The following LRP1B variants were observed in gnomAD, a reference collection of about 807,000 sequenced individuals.
LRP1B encodes the protein low-density lipoprotein receptor-related protein 1B.
Under a neutral mutation model 556.6 loss-of-function variants are expected in LRP1B, and 217 were observed. The ratio of observed to expected loss-of-function variants is 0.39; its 90% CI spans 0.35 to 0.44. The LOEUF is 0.44. Among genes scored for constraint, LRP1B ranks in the 20% least tolerant of loss-of-function variants. LRP1B has a pLI of 1.00. For missense variants in LRP1B, 5,053 were observed against 5,620.8 expected (o/e 0.90, Z 3.23); for synonymous variants, 2,047 against 1,865.8 (o/e 1.10, Z -2.50).
chr2:141,228,284 C>T (rs756444152), intron 6 of LRP1B, among the ~76,000 whole-genome samples: 8 of 152,124 alleles, frequency 5.3e-5, no homozygotes, highest in Non-Finnish European at 1.2e-4. Context: ...TAAATGGATG[C>T]ATGTTAAAAT....
chr2:141,726,099 A>G (rs1050273752), intron 2 of LRP1B, among the ~76,000 whole-genome samples: 5 of 151,610 alleles, frequency 3.3e-5, no homozygotes, highest in Non-Finnish European at 7.4e-5. Context: ...TTATTTAAGT[A>G]TGACTTCTGT....
intron 35 of LRP1B, among the ~76,000 whole-genome samples, chr2:140,735,696 T>TGTGCTGGTGATACAGGTGAGA (rs1476102331): frequency 4.6e-5 from 7 of 152,154 alleles, no homozygotes; most frequent in Non-Finnish European, 1.0e-4. Context: ...CTGGTAGATA[T>TGTGCTGGTGATACAGGTGAGA]TACAGAAATA....
chr2:140,568,536 G>T (rs1681209608), intron 43 of LRP1B, among the ~76,000 whole-genome samples: 2 of 152,014 alleles, frequency 1.3e-5, no homozygotes, highest in Admixed American at 1.3e-4. Flanking sequence ...TGAAGGAAAA[G>T]AGATGAGAAA....
chr2:141,699,918 T>A (rs2105460263), intron 2 of LRP1B, among the ~76,000 whole-genome samples: 1 of 149,902 alleles, frequency 6.7e-6, no homozygotes, highest in East Asian at 2.0e-4. Context: ...CAGGGCACAT[T>A]CCTTTGTCAT....
At chr2:140,999,002 GCACTACTCTA>G (rs1310820365) in intron 15 of LRP1B, among the ~76,000 whole-genome samples, 2 of 151,990 alleles carry the variant, frequency 1.3e-5, no homozygotes, top group Admixed American at 1.3e-4. Context: ...TATTTCCTAT[GCACTACTCTA>G]CTCAGCAACC....
intron 5 of LRP1B, among the ~76,000 whole-genome samples, chr2:141,236,128 T>C (rs1407753357): frequency 6.6e-6 from 1 of 152,138 alleles, no homozygotes; most frequent in African/African-American, 2.4e-5. Flanking sequence ...CCACTCAACT[T>C]TCCAGATTTT....
rs2105117463 is a variant in LRP1B, at chr2:140,850,150, T to G, written c.4891A>C (p.Lys1631Gln). The change falls in exon 29 of 91, where the codon AAA (lysine) becomes CAA (glutamine). Residue 1631 changes from lysine (K) to glutamine (Q), a missense_variant. This residue lies in a region of LRP1B where 3,619 missense variants were observed against 3,931.9 expected (regional missense o/e 0.92). Transcript: ENST00000389484. Reference sequence around the variant, plus strand: ...CCAGTTCCGTTAATAAAAGCTCGTTTAATGGTTTGTGTTTTAATATCTGTC... The same window carrying G: ...CCAGTTCCGTTAATAAAAGCTCGTTGAATGGTTTGTGTTTTAATATCTGTC... ...YWTDIKTQTI[K>Q]RAFINGTGLE... The G allele has an allele frequency of 6.2e-7, 1 of 1,613,820 alleles. No homozygotes were observed. Among genetic ancestry groups the G allele is most frequent in the East Asian group, 2.2e-5 (1 of 44,802 alleles).
rs996833080 is a variant in LRP1B at position 140,376,574 on chromosome 2, T to TA, written c.10638+1605dup. Among the ~76,000 whole-genome samples, 117 of 148,982 alleles carry TA rather than the reference T, an allele frequency of 7.9e-4. 2 individuals are homozygous for TA. In the Middle Eastern group the frequency reaches 0.014, roughly 18 times the overall value. On this transcript the variant is annotated intron_variant, in intron 68 of 90. Transcript: ENST00000389484. ...AAAAAATGTAACTCTCCTTTGTGTT[T>TA]AAAAAAAAAAATGTTTTGACTTTTA...
chr2:141,699,144 A>G (rs1000667548), intron 2 of LRP1B, among the ~76,000 whole-genome samples: 1 of 151,828 alleles, frequency 6.6e-6, no homozygotes, highest in Non-Finnish European at 1.5e-5. Flanking sequence ...GAGAAATTTA[A>G]AAAACCCAAT....
At chr2:140,937,116 A>G (rs1201584121) in intron 20 of LRP1B, among the ~76,000 whole-genome samples, 1 of 152,196 alleles carries the variant, frequency 6.6e-6, no homozygotes, top group East Asian at 1.9e-4. Context: ...ACAAAAACAA[A>G]TGAGAAATAA....
intron 2 of LRP1B, among the ~76,000 whole-genome samples, chr2:141,553,137 A>G (rs1400597315): frequency 6.6e-6 from 1 of 151,870 alleles, no homozygotes; most frequent in Non-Finnish European, 1.5e-5. Flanking sequence ...CCCAAAGACA[A>G]TGGCTGTCTA....
chr2:141,940,992 C>T (rs1338662028), intron 1 of LRP1B, among the ~76,000 whole-genome samples: 1 of 152,168 alleles, frequency 6.6e-6, no homozygotes, highest in African/African-American at 2.4e-5. Context: ...AAATGAATAA[C>T]TTGAATTCAT....
At chr2:140,400,983 G>A (rs1684471802) in intron 66 of LRP1B, among the ~76,000 whole-genome samples, 1 of 152,190 alleles carries the variant, frequency 6.6e-6, no homozygotes, top group Non-Finnish European at 1.5e-5. Context: ...TCCAGTCTCA[G>A]TGTAAACTAA....
At chr2:141,204,994 C>T (rs1682209115) in intron 6 of LRP1B, among the ~76,000 whole-genome samples, 1 of 151,950 alleles carries the variant, frequency 6.6e-6, no homozygotes, top group Non-Finnish European at 1.5e-5. Flanking sequence ...GAGGCATATA[C>T]ATTACATAAT....
intron 83 of LRP1B, among the ~76,000 whole-genome samples, chr2:140,304,788 G>C (rs1440394520): frequency 3.3e-5 from 5 of 152,064 alleles, no homozygotes; most frequent in Non-Finnish European, 7.4e-5. Flanking sequence ...TATGGTTTTA[G>C]GTCTAACGTT....
At chr2:141,195,675 G>A (rs977243993) in intron 6 of LRP1B, among the ~76,000 whole-genome samples, 15 of 152,036 alleles carry the variant, frequency 9.9e-5, no homozygotes, top group South Asian at 4.1e-4. Flanking sequence ...AGGATAATCC[G>A]TAAATGCTCA....
chr2:141,005,203 A>G, intron 15 of LRP1B, 132 bp downstream of exon 15: 1 of 1,035,550 alleles, frequency 9.7e-7, no homozygotes, highest in Non-Finnish European at 1.3e-6. Flanking sequence ...TTTATAGTCT[A>G]AAAAGAATTA....
rs562168274 is a variant in LRP1B at position 141,124,881 on chromosome 2, C to T, written c.1014-62608G>A. 5.9e-5 allele frequency among the ~76,000 whole-genome samples: 9 copies of T among 152,086 alleles called. No individual in the cohort carries two copies. The South Asian group carries it at 1.9e-3, about 32-fold the overall frequency. On this transcript the variant is annotated intron_variant, in intron 7 of 90. Transcript: ENST00000389484. Reference sequence around the variant, plus strand: ...AGAGCTGGAAGAGATGGATTGTATGCATATATACAGAAAGATTACAGAGTC... The same window carrying T: ...AGAGCTGGAAGAGATGGATTGTATGTATATATACAGAAAGATTACAGAGTC...
chr2:141,295,790 C>CACACACACACACACAT (rs963472660), intron 3 of LRP1B, among the ~76,000 whole-genome samples: 2 of 141,308 alleles, frequency 1.4e-5, no homozygotes, highest in East Asian at 4.0e-4. Context: ...CACACACACA[C>CACACACACACACACAT]ATAACAGTGG....
Sources: gnomAD v4.1 joint callset for allele counts (sites outside exome capture counted in the v4.1 genomes callset) on GRCh38, gnomAD v4.1.1 for gene constraint, gnomAD v4.1.1 regional missense constraint, MANE v1.5 for transcripts, NCBI Gene and HGNC (gene_info 2026-07-23, HGNC 2026-07-21) for gene names.